Variants in FMN1 observed in about 807,000 individuals in gnomAD.
FMN1 encodes the protein formin-1.
A neutral mutation model predicts 132.4 loss-of-function variants in FMN1; 110 were observed. That is an observed-to-expected ratio of 0.83 (90% CI 0.71 to 0.97). The LOEUF is 0.97. FMN1 is among the 50% of genes least tolerant of loss of function. FMN1 has a pLI of 0.00. For missense variants in FMN1, 1,792 were observed against 1,705.3 expected, an observed-to-expected ratio of 1.05 and a Z score of -0.90; for synonymous variants, 722 against 651.7, an observed-to-expected ratio of 1.11 and a Z score of -1.64.
At chr15:33,030,921 C>G (rs1417942548) in intron 6 of FMN1, among the ~76,000 whole-genome samples, 2 of 152,080 alleles carry the variant, frequency 1.3e-5, no homozygotes, top group South Asian at 4.1e-4. Flanking sequence ...TTGCTGCACC[C>G]ATGAACCGGT....
intron 7 of FMN1, among the ~76,000 whole-genome samples, chr15:32,974,800 T>TA (rs35960840): frequency 0.51 from 77,177 of 152,124 alleles, 21,342 homozygotes; most frequent in East Asian, 0.77. Flanking sequence ...GACTTTCACT[T>TA]AGGTCATTTC....
chr15:32,964,410 G>A (rs1001341248), intron 8 of FMN1, among the ~76,000 whole-genome samples, 153 bp from the exon 9 acceptor site: 4 of 152,006 alleles, frequency 2.6e-5, no homozygotes, highest in African/African-American at 9.7e-5. Context: ...TTTATGTTAC[G>A]CATTTGTTAA....
rs191252258 is a variant in FMN1 at position 33,181,826 on chromosome 15, A to G, written c.-196-1564T>C. On this transcript the variant is annotated intron_variant, in intron 2 of 20. Coordinates refer to ENST00000616417, the MANE Select transcript of FMN1 (RefSeq NM_001277313.2). ...CAGGTTAAAGCGATTCTCCTTCCTC[A>G]GCCTCCTGAGTAGCTGGGATTACAG... 1.0e-3 allele frequency among the ~76,000 whole-genome samples: 149 copies of G among 147,914 alleles called. 1 individual carries two copies. Among genetic ancestry groups the G allele is most frequent in the Middle Eastern group, 3.6e-3 (1 of 280 alleles).
chr15:32,953,222 G>C (rs540254956), intron 9 of FMN1, among the ~76,000 whole-genome samples: 1 of 152,186 alleles, frequency 6.6e-6, no homozygotes, highest in African/African-American at 2.4e-5. Context: ...GTGGCTTTTC[G>C]TAACTTCTGG....
intron 7 of FMN1, among the ~76,000 whole-genome samples, chr15:32,971,479 T>C (rs1383059877): frequency 6.6e-6 from 1 of 152,172 alleles, no homozygotes; most frequent in Non-Finnish European, 1.5e-5. Context: ...CGAGATAATC[T>C]TTGTTTCAAC....
chr15:33,024,735 A>G (rs1241499505), intron 6 of FMN1, among the ~76,000 whole-genome samples: 1 of 152,220 alleles, frequency 6.6e-6, no homozygotes, highest in Non-Finnish European at 1.5e-5. Context: ...CCTCTAGTGA[A>G]GCATTTACAC....
intron 7 of FMN1, among the ~76,000 whole-genome samples, chr15:32,995,624 T>C (rs896062049): frequency 6.6e-6 from 1 of 152,230 alleles, no homozygotes; most frequent in Non-Finnish European, 1.5e-5. Context: ...AATGATGTTT[T>C]ATCTCTAGCA....
chr15:32,924,347 AT>A (rs761327783), intron 10 of FMN1, among the ~76,000 whole-genome samples: 1 of 152,174 alleles, frequency 6.6e-6, no homozygotes, highest in Non-Finnish European at 1.5e-5. Flanking sequence ...TTTTTGTGGA[AT>A]TTTTAATTTT....
At chr15:33,176,645 T>C (rs1965525838) in intron 3 of FMN1, among the ~76,000 whole-genome samples, 1 of 152,170 alleles carries the variant, frequency 6.6e-6, no homozygotes, top group Non-Finnish European at 1.5e-5. Context: ...TTCTCACTTG[T>C]AATACTTTCT....
intron 6 of FMN1, among the ~76,000 whole-genome samples, chr15:33,048,644 A>AAAAAAAAAAAAAAAAAAC: frequency 1.2e-5 from 1 of 86,944 alleles, no homozygotes; most frequent in Non-Finnish European, 2.4e-5. Flanking sequence ...AAAAAAAAAA[A>AAAAAAAAAAAAAAAAAAC]AAAAACCAAC....
At chr15:32,942,269 C>A (rs986303870) in intron 9 of FMN1, among the ~76,000 whole-genome samples, 25 of 152,132 alleles carry the variant, frequency 1.6e-4, no homozygotes, top group Admixed American at 1.6e-3. Context: ...TTAAAGCCTG[C>A]CTCTGTGAAT....
chr15:32,914,046 T>C (rs146895590), intron 10 of FMN1, among the ~76,000 whole-genome samples: 33 of 152,298 alleles, frequency 2.2e-4, no homozygotes, highest in African/African-American at 7.7e-4. Context: ...AGTTACATAA[T>C]TGTGCCCCCA....
intron 6 of FMN1, among the ~76,000 whole-genome samples, chr15:33,030,758 G>C (rs889580953): frequency 1.3e-5 from 2 of 152,144 alleles, no homozygotes; most frequent in African/African-American, 2.4e-5. Flanking sequence ...TTCAGGTGTA[G>C]AAAATGTGTA....
At chr15:33,074,124 G>T (rs927432537) in intron 5 of FMN1, among the ~76,000 whole-genome samples, 1 of 152,164 alleles carries the variant, frequency 6.6e-6, no homozygotes, top group African/African-American at 2.4e-5. Context: ...GCAGCACCCA[G>T]ATGGGGAAAA....
intron 7 of FMN1, among the ~76,000 whole-genome samples, chr15:32,983,977 G>T (rs1365752042): frequency 3.3e-5 from 5 of 152,140 alleles, no homozygotes; most frequent in East Asian, 3.8e-4. Flanking sequence ...ACATTTAAAA[G>T]CTCAAAGTGT....
At chr15:32,791,841 G>A (rs1353403062) in intron 19 of FMN1, among the ~76,000 whole-genome samples, 1 of 152,098 alleles carries the variant, frequency 6.6e-6, no homozygotes, top group Non-Finnish European at 1.5e-5. Flanking sequence ...TAGTTGAGAT[G>A]GAATAATTTC....
At position 33,088,859 on chromosome 15, in the gene FMN1, T is replaced by C. The variant is rs1338342794; in HGVS notation, c.1983A>G (p.Pro661=). The C allele has an allele frequency of 9.1e-6, 14 of 1,535,770 alleles. No individual in the cohort carries two copies. Among genetic ancestry groups the C allele is most frequent in the African/African-American group, 1.4e-5 (1 of 72,998 alleles). Residue 661 remains proline, a synonymous_variant, in exon 5 of 21, where the codon CCA becomes CCG. Coordinates refer to ENST00000616417, the MANE Select transcript of FMN1 (RefSeq NM_001277313.2). ...TCTCCCTTTCCTCATGAAGCAAAAA[T>C]GGACAGGCTGGTCCCGCTCTGTAGC... ...VLGYRAGPAC[P]FLLHEEREKS...
chr15:32,865,360 T>C (rs1303708140), intron 16 of FMN1, among the ~76,000 whole-genome samples: 1 of 152,198 alleles, frequency 6.6e-6, no homozygotes, highest in Non-Finnish European at 1.5e-5. Context: ...GAATGCCTCA[T>C]CTGTACTTCT....
At chr15:32,833,512 G>A (rs1294491260) in intron 17 of FMN1, among the ~76,000 whole-genome samples, 1 of 152,050 alleles carries the variant, frequency 6.6e-6, no homozygotes, top group African/African-American at 2.4e-5. Flanking sequence ...AGTCCATACA[G>A]GAGATGAGCA....
Sources: gnomAD v4.1 joint callset for allele counts (sites outside exome capture counted in the v4.1 genomes callset) on GRCh38, gnomAD v4.1.1 for gene constraint, MANE v1.5 for transcripts, NCBI Gene and HGNC (gene_info 2026-07-23, HGNC 2026-07-21) for gene names.